RCBTB2: variants seen among roughly 807,000 people sequenced by gnomAD.
RCBTB2 encodes RCC1 and BTB domain-containing protein 2.
Under a neutral mutation model 65.4 loss-of-function variants are expected in RCBTB2, and 55 were observed. The observed-to-expected ratio is 0.84, with a 90% CI of 0.68 to 1.05. The LOEUF is 1.05. Among genes scored for constraint, RCBTB2 ranks in the 50% least tolerant of loss-of-function variants. The pLI is 0.00. For missense variants in RCBTB2, 599 were observed against 680.1 expected (o/e 0.88, Z 1.33); for synonymous variants, 220 against 255.2 (o/e 0.86, Z 1.31).
chr13:48,522,574 C>T (rs1472004887), intron 2 of RCBTB2, among the ~76,000 whole-genome samples, 171 bp from the exon 3 acceptor site: 1 of 152,134 alleles, frequency 6.6e-6, no homozygotes, highest in Non-Finnish European at 1.5e-5. Flanking sequence ...TACTTTCTAC[C>T]AGGTAAAAGT....
At position 48,489,431 on chromosome 13, in the gene RCBTB2, T is replaced by C. The variant is rs1278912125; in HGVS notation, c.*680A>G. The stretch of plus-strand genomic sequence containing the variant: ...TACTCCATAATCCCATGTGAGAAAT[T>C]AATGAATGACTCCAAGTAAAAAGAA... On this transcript the variant is annotated 3_prime_UTR_variant, in exon 15 of 15. Transcript: ENST00000344532. 2 of 152,258 alleles carry C rather than the reference T, an allele frequency of 1.3e-5. No homozygotes were observed. Among genetic ancestry groups the C allele is most frequent in the African/African-American group, 4.8e-5 (2 of 41,462 alleles). The allele number at this position is 152,258 out of a possible 1,614,324, so 9.4% of individuals were successfully genotyped here. A position where few individuals can be genotyped will look rare whatever the true frequency, so the allele number is the denominator to read the frequency against.
At chr13:48,499,299 C>A (rs1227865842) in intron 13 of RCBTB2, among the ~76,000 whole-genome samples, 1 of 152,128 alleles carries the variant, frequency 6.6e-6, no homozygotes, top group Admixed American at 6.5e-5. Context: ...TGACTCAGGC[C>A]CACAGTCTGA....
intron 4 of RCBTB2, among the ~76,000 whole-genome samples, chr13:48,516,551 C>G (rs927422819): frequency 5.9e-5 from 9 of 152,182 alleles, no homozygotes; most frequent in African/African-American, 1.9e-4. Flanking sequence ...CCCTGCATAT[C>G]TCTGCATCTA....
intron 2 of RCBTB2, among the ~76,000 whole-genome samples, chr13:48,523,866 A>G (rs1951559594): frequency 6.6e-6 from 1 of 152,206 alleles, no homozygotes; most frequent in African/African-American, 2.4e-5. Context: ...TTAGAATGGT[A>G]GGAAAACAGG....
chr13:48,527,361 T>TATCATA, intron 1 of RCBTB2, among the ~76,000 whole-genome samples: 3 of 112,446 alleles, frequency 2.7e-5, no homozygotes, highest in South Asian at 5.0e-4. Context: ...TGATATATAT[T>TATCATA]TATATATGAT....
At chr13:48,527,351 TGATATATATTTATATATGA>T (rs1951830265) in intron 1 of RCBTB2, among the ~76,000 whole-genome samples, 1 of 120,658 alleles carries the variant, frequency 8.3e-6, no homozygotes, top group East Asian at 2.1e-4. Flanking sequence ...TATATATATA[TGATATATATTTATATATGA>T]TATATATATA....
chr13:48,511,430 T>C (rs1443669574), intron 9 of RCBTB2, among the ~76,000 whole-genome samples: 1 of 151,970 alleles, frequency 6.6e-6, no homozygotes, highest in Non-Finnish European at 1.5e-5. Flanking sequence ...ATATGTATCT[T>C]CTTAACTAAT....
At position 48,515,604 on chromosome 13, in the gene RCBTB2, G is replaced by T; in HGVS notation, c.180C>A (p.Tyr60Ter). The stretch of plus-strand genomic sequence containing the variant: ...AAATTACCTCATCATTTACTGTAGT[G>T]TATAAAACTTCATTGCCAGCACTGC... Reference protein sequence around the residue: ...VFGSAGNEVLYTTVNDEIFVL... With the variant: ...VFGSAGNEVL Residue 60 changes from tyrosine to a stop codon, truncating the protein, a stop_gained, in exon 5 of 15, where the codon TAC becomes TAA. Coordinates refer to ENST00000344532, the MANE Select transcript of RCBTB2 (RefSeq NM_001268.4). LOFTEE classifies it high-confidence loss of function. 1 of 1,610,260 alleles carries T rather than the reference G, an allele frequency of 6.2e-7. No individual in the cohort carries two copies. Among genetic ancestry groups the T allele is most frequent in the Non-Finnish European group, 8.5e-7 (1 of 1,178,844 alleles).
intron 9 of RCBTB2, 62 bp downstream of exon 9, chr13:48,511,708 C>T (rs1950802702): frequency 1.4e-5 from 19 of 1,377,940 alleles, no homozygotes; most frequent in Admixed American, 2.1e-5. Context: ...GTTTTTAATA[C>T]ATTGATATCT....
intron 1 of RCBTB2, chr13:48,532,826 C>A: frequency 2.9e-6 from 1 of 340,324 alleles, no homozygotes; most frequent in Non-Finnish European, 5.9e-6. Flanking sequence ...TAACTCCCGC[C>A]AGCAGTTTTA....
chr13:48,519,643 G>C (rs984927107), intron 4 of RCBTB2, among the ~76,000 whole-genome samples: 7 of 152,042 alleles, frequency 4.6e-5, no homozygotes, highest in African/African-American at 1.7e-4. Flanking sequence ...CATTGACTAA[G>C]GTACAAAAAT....
chr13:48,510,664 C>T lies in RCBTB2; in HGVS notation c.891G>A (p.Gln297=), dbSNP rs140258547. Residue 297 remains glutamine (Q), a synonymous_variant, in exon 10 of 15, where the codon CAG becomes CAA. Transcript: ENST00000344532. ...CCACAGTGACAGGAGTAGGATAGGA[C>T]TGGTTGCTTTTATTGCCAGTGCCCA... The part of the protein sequence containing the change: ...GQLGTGNKSN[Q]SYPTPVTVEK... The T allele has an allele frequency of 1.2e-6, 2 of 1,614,074 alleles. No homozygotes were observed. The highest frequency in any genetic ancestry group is 2.7e-5 in the African/African-American group (2 of 74,912).
At chr13:48,501,022 A>G (rs1950210147) in intron 12 of RCBTB2, among the ~76,000 whole-genome samples, 1 of 152,230 alleles carries the variant, frequency 6.6e-6, no homozygotes, top group Non-Finnish European at 1.5e-5. Context: ...AAAGAAGCCA[A>G]GCACAAATGA....
intron 6 of RCBTB2, 100 bp from the exon 7 acceptor site, chr13:48,512,995 G>A (rs1281896668): frequency 5.0e-6 from 5 of 993,736 alleles, no homozygotes; most frequent in Admixed American, 5.5e-5. Context: ...TAAAAATTCA[G>A]GTGCAAAAAG....
Position 48,501,759 on chromosome 13 carries a change from T to G in RCBTB2, c.1227A>C (p.Lys409Asn), listed in dbSNP as rs1411617141. 32 of 1,612,244 alleles carry G rather than the reference T, an allele frequency of 2.0e-5. No homozygotes were observed. The highest frequency in any genetic ancestry group is 2.5e-5 in the Non-Finnish European group (29 of 1,178,590). ...TTCCTTACCGAATCTTGAGAAGGAC[T>G]TTATGTGCATAAATGTACTTTCCAT... ...LVDGKYIYAH[K>N]VLLKIRCEHF... The change falls in exon 12 of 15, where the codon AAA (lysine) becomes AAC (asparagine). Residue 409 changes from lysine to asparagine, a missense_variant. Transcript: ENST00000344532.
upstream of RCBTB2, chr13:48,535,574 T>A: frequency 2.3e-6 from 1 of 436,226 alleles, no homozygotes; most frequent in Non-Finnish European, 4.6e-6. Context: ...CATTCTTGAA[T>A]CTATTTCAGC....
chr13:48,496,115 T>C (rs1949955330), intron 14 of RCBTB2, 76 bp downstream of exon 14: 1 of 1,316,394 alleles, frequency 7.6e-7, no homozygotes, highest in Non-Finnish European at 9.9e-7. Flanking sequence ...AGACTTTCTT[T>C]TAGTTTAAGG....
In RCBTB2 at chr13:48,522,373, A is replaced by G. The variant is rs1343024522; in HGVS notation, c.-89T>C. The G allele has an allele frequency of 8.0e-6, 12 of 1,502,486 alleles. No individual in the cohort carries two copies. Among genetic ancestry groups the G allele is most frequent in the Non-Finnish European group, 1.1e-5 (12 of 1,116,992 alleles). The allele number at this position is 1,502,486 out of a possible 1,614,324, so 93.1% of individuals were successfully genotyped here. On this transcript the variant is annotated 5_prime_UTR_variant, in exon 3 of 15. Transcript: ENST00000344532. ...CGGGGAAGAGCGGACATCAATTCTC[A>G]GCTCCACAGAAGAATATATGATTTG...
chr13:48,535,606 C>G (rs1952353044), upstream of RCBTB2: 1 of 454,326 alleles, frequency 2.2e-6, no homozygotes, highest in Non-Finnish European at 4.4e-6. Flanking sequence ...CCCTACCCCT[C>G]CATTGAAACT....
Sources: allele counts gnomAD v4.1 joint callset (sites outside exome capture counted in the v4.1 genomes callset), GRCh38; gene constraint gnomAD v4.1.1; transcripts MANE v1.5; gene names NCBI Gene and HGNC (gene_info 2026-07-23, HGNC 2026-07-21).